Variants in CELF2 observed in about 807,000 individuals in gnomAD.
CELF2 encodes CUGBP Elav-like family member 2.
A neutral mutation model predicts 62.6 loss-of-function variants in CELF2; 8 were observed. The observed-to-expected ratio is 0.13, with a 90% confidence interval of 0.07 to 0.23. The LOEUF is 0.23. CELF2 is among the 10% of genes least tolerant of loss of function. The pLI is 1.00. For missense variants in CELF2, 333 were observed against 671.0 expected (o/e 0.50, Z 5.56); for synonymous variants, 258 against 250.0 (o/e 1.03, Z -0.30).
At chr10:11,032,687 T>TTGGAAAATC (rs2060319265) in intron 1 of CELF2, among the ~76,000 whole-genome samples, 1 of 151,812 alleles carries the variant, frequency 6.6e-6, no homozygotes, top group Non-Finnish European at 1.5e-5. Flanking sequence ...CTTGGAAAAT[T>TTGGAAAATC]TAAAGAAAAA....
chr10:10,700,550 C>G, the CELF2 span, among the ~76,000 whole-genome samples: 2 of 152,156 alleles, frequency 1.3e-5, no homozygotes, highest in African/African-American at 4.8e-5. Context: ...AGAAAACAGA[C>G]CTCATCACCA....
the CELF2 span, among the ~76,000 whole-genome samples, chr10:10,624,797 C>A: frequency 6.6e-5 from 10 of 152,172 alleles, no homozygotes; most frequent in South Asian, 2.1e-3. Context: ...GAGAGAAATT[C>A]TGCACTGCTG....
intron 1 of CELF2, among the ~76,000 whole-genome samples, chr10:10,831,046 C>T (rs2057809275): frequency 6.6e-6 from 1 of 152,124 alleles, no homozygotes; most frequent in Non-Finnish European, 1.5e-5. Context: ...GAGAGAATTG[C>T]CTAAATTAAA....
the CELF2 span, among the ~76,000 whole-genome samples, chr10:10,744,268 T>G: frequency 6.6e-6 from 1 of 152,218 alleles, no homozygotes; most frequent in African/African-American, 2.4e-5. Flanking sequence ...TTATTTCGCA[T>G]CCTAAATCAT....
At chr10:11,113,310 A>T (rs977379132) in intron 1 of CELF2, among the ~76,000 whole-genome samples, 2 of 152,206 alleles carry the variant, frequency 1.3e-5, no homozygotes, top group African/African-American at 4.8e-5. Flanking sequence ...TTCACCGAGG[A>T]TAGCATCATC....
chr10:10,988,633 A>G (rs1440784301), intron 2 of CELF2, among the ~76,000 whole-genome samples: 2 of 152,272 alleles, frequency 1.3e-5, no homozygotes, highest in Non-Finnish European at 2.9e-5. Flanking sequence ...CCAAGTAACC[A>G]AAAACCATCT....
At chr10:11,146,966 A>G (rs772690298) in intron 1 of CELF2, among the ~76,000 whole-genome samples, 2 of 152,252 alleles carry the variant, frequency 1.3e-5, no homozygotes, top group Non-Finnish European at 2.9e-5. Context: ...TGGTCAATCT[A>G]GTTCTCTAAA....
intron 2 of CELF2, among the ~76,000 whole-genome samples, chr10:11,167,481 T>A (rs113280827): frequency 6.6e-6 from 1 of 152,374 alleles, no homozygotes; most frequent in African/African-American, 2.4e-5. Flanking sequence ...ACTGTTATGA[T>A]GCCTGGTTCC....
Position 11,316,960 on chromosome 10 carries a change from A to C in CELF2, c.1096+2702A>C, listed in dbSNP as rs1016879037. The C allele has an allele frequency of 3.3e-5, 5 of 152,218 alleles. No homozygotes were observed. Among genetic ancestry groups the C allele is most frequent in the Non-Finnish European group, 7.3e-5 (5 of 68,044 alleles). 9.4% of individuals were successfully genotyped at this position (152,218 alleles called of 1,614,324 possible). A position where few individuals can be genotyped will look rare whatever the true frequency, so the allele number is the denominator to read the frequency against. ...AGGAACACATGTGATTGACCATCAG[A>C]GTGTTCACCTCTGGATTTTTTCAGG... On this transcript the variant is annotated intron_variant, in intron 10 of 12. Transcript: ENST00000633077. The surrounding 1 kb of genome is among the most constrained non-coding windows in gnomAD (Gnocchi z 4.4).
chr10:10,579,360 G>A, the CELF2 span, among the ~76,000 whole-genome samples: 2 of 152,168 alleles, frequency 1.3e-5, no homozygotes, highest in African/African-American at 4.8e-5. Context: ...GGTACTCATT[G>A]CCTTTCTCCA....
chr10:11,119,428 A>G (rs2057263243), intron 1 of CELF2, among the ~76,000 whole-genome samples: 1 of 152,154 alleles, frequency 6.6e-6, no homozygotes, highest in South Asian at 2.1e-4. Flanking sequence ...CTTTCATAGC[A>G]CTTTAAACAA....
Position 11,005,708 on chromosome 10 carries a change from G to A in CELF2, c.53+268G>A, listed in dbSNP as rs1395978993. ...ATCATGTATTTGCTCACTGCTATTT[G>A]TGAGTGGCCAGTGGATAATTTTAAG... On this transcript the variant is annotated intron_variant, in intron 1 of 12. Transcript: ENST00000416382. This position sits in a 1 kb window ranked among gnomAD's most constrained non-coding sequence, Gnocchi z 4.3. Among the ~76,000 whole-genome samples the A allele has an allele frequency of 1.8e-4, 28 of 152,196 alleles. No homozygotes were observed. Among genetic ancestry groups the A allele is most frequent in the Admixed American group, 1.8e-3 (28 of 15,284 alleles).
the CELF2 span, among the ~76,000 whole-genome samples, chr10:10,467,848 G>A: frequency 7.9e-5 from 12 of 151,840 alleles, no homozygotes; most frequent in South Asian, 2.1e-4. Flanking sequence ...ATGGAAAAAC[G>A]GAATTGAAAG....
chr10:10,564,485 G>A, the CELF2 span, among the ~76,000 whole-genome samples: 2 of 152,108 alleles, frequency 1.3e-5, no homozygotes, highest in Middle Eastern at 3.4e-3. Context: ...ATGTTTTACA[G>A]CAAATCGCTG....
intron 1 of CELF2, among the ~76,000 whole-genome samples, chr10:11,041,523 G>A (rs1397767251): frequency 6.6e-6 from 1 of 152,186 alleles, no homozygotes; most frequent in Non-Finnish European, 1.5e-5. Flanking sequence ...GCCATCTTTT[G>A]TAATGAGGAT....
intron 1 of CELF2, among the ~76,000 whole-genome samples, chr10:11,028,783 G>A (rs1211658924): frequency 6.7e-6 from 1 of 148,682 alleles, no homozygotes; most frequent in Non-Finnish European, 1.5e-5. Flanking sequence ...GCAGTGGTGC[G>A]ATCTTGGCTC....
the CELF2 span, among the ~76,000 whole-genome samples, chr10:10,567,855 A>C: frequency 4.6e-5 from 7 of 152,172 alleles, no homozygotes; most frequent in Admixed American, 2.0e-4. Context: ...TCTAGGCAGC[A>C]TACCACAGGG....
chr10:10,679,086 CT>C, the CELF2 span, among the ~76,000 whole-genome samples: 1 of 152,094 alleles, frequency 6.6e-6, no homozygotes, highest in South Asian at 2.1e-4. Context: ...TCTCCACCCC[CT>C]ACTTTAGCAT....
At chr10:11,229,533 C>T (rs1189115946) in intron 3 of CELF2, among the ~76,000 whole-genome samples, 1 of 152,116 alleles carries the variant, frequency 6.6e-6, no homozygotes, top group Non-Finnish European at 1.5e-5. Flanking sequence ...GCTTTTAAAA[C>T]TGTGTATGCC....
Sources: gnomAD v4.1 joint callset for allele counts (sites outside exome capture counted in the v4.1 genomes callset) on GRCh38, gnomAD v4.1.1 for gene constraint, Gnocchi (gnomAD v3.1) non-coding constraint, MANE v1.5 for transcripts, NCBI Gene and HGNC (gene_info 2026-07-23, HGNC 2026-07-21) for gene names.